CTNNA2: variants seen among roughly 807,000 people sequenced by gnomAD.
CTNNA2 encodes the protein catenin alpha-2.
CTNNA2 carries 42 observed loss-of-function variants against 101.0 expected under a neutral mutation model. The observed-to-expected ratio is 0.42, with a 90% CI of 0.32 to 0.54. The LOEUF (loss-of-function observed/expected upper bound fraction) is 0.54, where lower values mean the gene tolerates loss of function less well. Among genes scored for constraint, CTNNA2 ranks in the 20% least tolerant of loss-of-function variants. The pLI is 0.14. For missense variants in CTNNA2, 871 were observed against 1,223.1 expected (o/e 0.71, Z 4.29); for synonymous variants, 450 against 456.4 (o/e 0.99, Z 0.18).
intron 12 of CTNNA2, among the ~76,000 whole-genome samples, chr2:80,570,335 C>T (rs148800660): frequency 2.7e-4 from 41 of 152,328 alleles, no homozygotes; most frequent in African/African-American, 8.7e-4. Context: ...ACGTGTGAGC[C>T]ACCGTGCCCA....
At position 79,863,234 on chromosome 2, in the gene CTNNA2, CAG is replaced by C. The variant is rs1681766198; in HGVS notation, c.465+5057_465+5058del. 3.9e-5 allele frequency among the ~76,000 whole-genome samples: 6 copies of C among 152,130 alleles called. No individual in the cohort carries two copies. The South Asian group carries it at 1.2e-3, about 32-fold the overall frequency. Reference sequence around the variant, plus strand: ...CTGAGTTAATTATTTAGATGGATAACAGAATATGCTAATTTCTTAGTTAACAT... The same window carrying C: ...CTGAGTTAATTATTTAGATGGATAACAATATGCTAATTTCTTAGTTAACAT... On this transcript the variant is annotated intron_variant, in intron 4 of 18. Coordinates refer to ENST00000402739, the MANE Select transcript of CTNNA2 (RefSeq NM_001282597.3).
chr2:79,569,807 A>C (rs1675350980), intron 1 of CTNNA2, among the ~76,000 whole-genome samples: 1 of 152,218 alleles, frequency 6.6e-6, no homozygotes, highest in Non-Finnish European at 1.5e-5. Context: ...AATACTTTTT[A>C]TGCCAAATCT....
intron 3 of CTNNA2, among the ~76,000 whole-genome samples, chr2:79,362,129 A>C (rs935745373): frequency 2.0e-5 from 3 of 152,198 alleles, no homozygotes; most frequent in Non-Finnish European, 4.4e-5. Flanking sequence ...CCAATTAAGC[A>C]GTGACTATAC....
intron 2 of CTNNA2, among the ~76,000 whole-genome samples, chr2:79,656,488 G>T (rs1681621772): frequency 6.6e-6 from 1 of 152,046 alleles, no homozygotes; most frequent in South Asian, 2.1e-4. Flanking sequence ...AAGTTATGGG[G>T]TTCTGAGTAG....
intron 1 of CTNNA2, among the ~76,000 whole-genome samples, chr2:79,543,230 A>G (rs1202107758): frequency 6.6e-6 from 1 of 152,128 alleles, no homozygotes; most frequent in Non-Finnish European, 1.5e-5. Flanking sequence ...AGTTTGGTAA[A>G]ATATTTGTAA....
rs553813964 is a variant in CTNNA2 at position 80,533,663 on chromosome 2, G to A, written c.1291-11319G>A. Among the ~76,000 whole-genome samples, 31 of 152,244 alleles carry A rather than the reference G, an allele frequency of 2.0e-4. No individual in the cohort carries two copies. The South Asian group carries it at 6.2e-3, about 31-fold the overall frequency. On this transcript the variant is annotated intron_variant, in intron 9 of 18. Transcript: ENST00000402739. ...CCTGGAGTTTTCATCCTGCTAATAT[G>A]CAGCCCACATATATGAAGGTCAACA...
At chr2:79,434,295 C>CAAAAAAAAA (rs367927495) in intron 4 of CTNNA2, among the ~76,000 whole-genome samples, 1 of 95,492 alleles carries the variant, frequency 1.0e-5, no homozygotes, top group Non-Finnish European at 2.2e-5. Context: ...GAGACTCTGT[C>CAAAAAAAAA]AAAAAAAAAA....
intron 7 of CTNNA2, among the ~76,000 whole-genome samples, chr2:79,998,149 C>A (rs543487277): frequency 3.2e-4 from 49 of 152,204 alleles, no homozygotes; most frequent in African/African-American, 1.1e-3. Flanking sequence ...AGGAAATGAA[C>A]CATTTTTAAT....
intron 2 of CTNNA2, among the ~76,000 whole-genome samples, chr2:79,286,686 A>AT (rs949795529): frequency 6.6e-6 from 1 of 151,468 alleles, no homozygotes; most frequent in Non-Finnish European, 1.5e-5. Flanking sequence ...CGCCCTTAAC[A>AT]TTTTTTTCCT....
intron 11 of CTNNA2, among the ~76,000 whole-genome samples, chr2:80,555,006 GAA>G: frequency 6.6e-6 from 1 of 152,226 alleles, no homozygotes; most frequent in Admixed American, 6.5e-5. Context: ...GCAATCATAT[GAA>G]AGTTATGCAG....
intron 7 of CTNNA2, among the ~76,000 whole-genome samples, chr2:80,243,758 C>T (rs1671121993): frequency 6.6e-6 from 1 of 152,124 alleles, no homozygotes; most frequent in Non-Finnish European, 1.5e-5. Context: ...GCCTTCATTT[C>T]CCTTGGTTAA....
chr2:80,045,091 G>A (rs537625069), intron 7 of CTNNA2, among the ~76,000 whole-genome samples: 19 of 152,314 alleles, frequency 1.2e-4, no homozygotes, highest in African/African-American at 4.1e-4. Context: ...TCTCAGGGCA[G>A]CTGGACTTCA....
chr2:79,403,208 A>G (rs1229424937), intron 4 of CTNNA2, among the ~76,000 whole-genome samples: 3 of 151,900 alleles, frequency 2.0e-5, no homozygotes, highest in African/African-American at 7.2e-5. Flanking sequence ...ACTAGACAAT[A>G]AAATTTTATG....
intron 2 of CTNNA2, among the ~76,000 whole-genome samples, chr2:79,222,212 A>G (rs1231334577): frequency 6.6e-6 from 1 of 152,248 alleles, no homozygotes; most frequent in African/African-American, 2.4e-5. Flanking sequence ...AAAGGCTTCT[A>G]TGAGGCTGTG....
At chr2:80,156,578 A>G (rs967503969) in intron 7 of CTNNA2, among the ~76,000 whole-genome samples, 6 of 152,244 alleles carry the variant, frequency 3.9e-5, no homozygotes, top group Non-Finnish European at 7.3e-5. Flanking sequence ...CTCACACATC[A>G]TGTCCCCTTT....
chr2:80,113,848 G>C (rs903331141), intron 7 of CTNNA2, among the ~76,000 whole-genome samples: 1 of 152,136 alleles, frequency 6.6e-6, no homozygotes, highest in Non-Finnish European at 1.5e-5. Context: ...TGGGATTCTG[G>C]AATATTAATT....
At chr2:79,607,978 GTTTT>G (rs560343880) in intron 1 of CTNNA2, among the ~76,000 whole-genome samples, 1 of 150,668 alleles carries the variant, frequency 6.6e-6, no homozygotes, top group Non-Finnish European at 1.5e-5. Flanking sequence ...AAGGCAGGTT[GTTTT>G]TTTTTAATTA....
intron 7 of CTNNA2, among the ~76,000 whole-genome samples, chr2:80,011,685 A>C (rs1693796151): frequency 1.3e-5 from 2 of 152,136 alleles, no homozygotes; most frequent in East Asian, 1.9e-4. Flanking sequence ...GGTTTTCATC[A>C]AGTCATCATC....
At chr2:79,936,042 GA>G in intron 7 of CTNNA2, among the ~76,000 whole-genome samples, 1 of 152,326 alleles carries the variant, frequency 6.6e-6, no homozygotes, top group Non-Finnish European at 1.5e-5. Flanking sequence ...TAACTAAAAT[GA>G]AAGGCTTATG....
Sources: gnomAD v4.1 joint callset for allele counts (sites outside exome capture counted in the v4.1 genomes callset) on GRCh38, gnomAD v4.1.1 for gene constraint, MANE v1.5 for transcripts, NCBI Gene and HGNC (gene_info 2026-07-23, HGNC 2026-07-21) for gene names.